The following CATSPERB variants were observed in gnomAD, a reference collection of about 807,000 sequenced individuals.
The protein encoded by CATSPERB is cation channel sperm-associated auxiliary subunit beta.
CATSPERB carries 93 observed loss-of-function variants against 128.3 expected under a neutral mutation model. The ratio of observed to expected loss-of-function variants is 0.72; its 90% confidence interval spans 0.61 to 0.86. The LOEUF is 0.86. Among genes scored for constraint, CATSPERB ranks in the 40% least tolerant of loss-of-function variants. CATSPERB has a pLI of 0.00. For synonymous variants in CATSPERB, 381 were observed against 448.8 expected, an observed-to-expected ratio of 0.85 and a Z score of 1.91; for missense variants, 1,153 against 1,329.5, an observed-to-expected ratio of 0.87 and a Z score of 2.06.
rs1894131715 is a variant in CATSPERB at position 91,624,988 on chromosome 14, T to C, written c.1762A>G (p.Ile588Val). 6.3e-7 allele frequency: 1 copy of C among 1,583,120 alleles called. No individual in the cohort carries two copies. The highest frequency in any genetic ancestry group is 8.5e-7 in the Non-Finnish European group (1 of 1,170,596). The stretch of plus-strand genomic sequence containing the variant: ...GTCGTATGTTGCAATACCTTTCTTA[T>C]GTAAGCTCTTCCAGTTTTCCTAAAA... Reference protein sequence around the residue: ...IHSGKTGRAYIRKVLQHTTPK... With the variant: ...IHSGKTGRAYVRKVLQHTTPK... Residue 588 changes from isoleucine to valine, a missense_variant, in exon 18 of 27, where the codon ATA (isoleucine) becomes GTA (valine). Ile to Val is a conservative substitution (Grantham distance 29). Transcript: ENST00000256343.
chr14:91,649,362 T>TGTGTGTGTGTGTAG (rs10684529), intron 15 of CATSPERB, among the ~76,000 whole-genome samples: 14 of 149,812 alleles, frequency 9.3e-5, no homozygotes, highest in African/African-American at 3.4e-4. Flanking sequence ...TGTGTGTGTG[T>TGTGTGTGTGTGTAG]AGAGATTGTT....
chr14:91,661,708 G>C (rs1019906793), intron 14 of CATSPERB, among the ~76,000 whole-genome samples: 1 of 151,756 alleles, frequency 6.6e-6, no homozygotes, highest in African/African-American at 2.4e-5. Context: ...AATTTTTGTA[G>C]AGATGGGTTT....
intron 13 of CATSPERB, among the ~76,000 whole-genome samples, chr14:91,672,310 G>A (rs1895111348): frequency 6.6e-6 from 1 of 152,264 alleles, no homozygotes; most frequent in Admixed American, 6.5e-5. Flanking sequence ...TTCTCAGACT[G>A]GATTTTGCTC....
chr14:91,638,002 C>G (rs887720881), intron 16 of CATSPERB, among the ~76,000 whole-genome samples: 78 of 152,214 alleles, frequency 5.1e-4, no homozygotes, highest in African/African-American at 1.7e-3. Flanking sequence ...CTTAACTCTC[C>G]CAAGGAAGTT....
intron 22 of CATSPERB, among the ~76,000 whole-genome samples, chr14:91,598,570 T>C (rs1222150677): frequency 6.6e-6 from 1 of 152,076 alleles, no homozygotes; most frequent in African/African-American, 2.4e-5. Flanking sequence ...TCAGAAAAGA[T>C]TTGACTGGCC....
At chr14:91,663,941 A>G (rs1484288593) in intron 14 of CATSPERB, among the ~76,000 whole-genome samples, 1 of 152,148 alleles carries the variant, frequency 6.6e-6, no homozygotes, top group Non-Finnish European at 1.5e-5. Context: ...ACCTACACTG[A>G]TACATCATTA....
At chr14:91,684,312 C>G (rs1595178034) in intron 10 of CATSPERB, among the ~76,000 whole-genome samples, 1 of 152,302 alleles carries the variant, frequency 6.6e-6, no homozygotes, top group East Asian at 1.9e-4. Context: ...GTTTAAGGAG[C>G]ATTCCCAGAA....
chr14:91,605,834 A>C (rs1893691103), intron 22 of CATSPERB, among the ~76,000 whole-genome samples: 1 of 151,680 alleles, frequency 6.6e-6, no homozygotes. Flanking sequence ...ACTCACTCAT[A>C]CTCTGTTTTG....
chr14:91,691,379 A>T, intron 10 of CATSPERB, 144 bp downstream of exon 10: 1 of 373,276 alleles, frequency 2.7e-6, no homozygotes. Context: ...TCATATATAT[A>T]AAAAAATATA....
At chr14:91,682,226 T>C (rs1895294529) in intron 11 of CATSPERB, among the ~76,000 whole-genome samples, 1 of 152,174 alleles carries the variant, frequency 6.6e-6, no homozygotes, top group South Asian at 2.1e-4. Context: ...CATCTCATCA[T>C]AAGCCTCATG....
chr14:91,666,728 G>A (rs1240362521), intron 14 of CATSPERB, among the ~76,000 whole-genome samples: 1 of 152,180 alleles, frequency 6.6e-6, no homozygotes, highest in African/African-American at 2.4e-5. Context: ...AGGTGCCAAA[G>A]GAAGTTTATG....
At chr14:91,630,663 C>A (rs1322356932) in intron 17 of CATSPERB, among the ~76,000 whole-genome samples, 1 of 152,200 alleles carries the variant, frequency 6.6e-6, no homozygotes, top group Non-Finnish European at 1.5e-5. Context: ...TGCTCCAGCA[C>A]CATAATCTGT....
chr14:91,711,571 A>G lies in CATSPERB; in HGVS notation c.371-3335T>C, dbSNP rs117967001. Among the ~76,000 whole-genome samples, 1,413 of 152,332 alleles carry G rather than the reference A, an allele frequency of 9.3e-3. 14 individuals carry two copies. Among genetic ancestry groups the G allele is most frequent in the South Asian group, 0.025 (120 of 4,826 alleles). ...TTGTGCACTTCCATTCTGCTGATGAAAGTGTTCCAAAAGTTGTTTTGAATA... is the reference window on the plus strand; with the variant it reads ...TTGTGCACTTCCATTCTGCTGATGAGAGTGTTCCAAAAGTTGTTTTGAATA... On this transcript the variant is annotated intron_variant, in intron 5 of 26. Transcript: ENST00000256343.
At chr14:91,587,326 C>T (rs1893320941) in intron 25 of CATSPERB, 50 bp from the exon 26 acceptor site, 4 of 1,357,860 alleles carry the variant, frequency 2.9e-6, no homozygotes, top group Non-Finnish European at 4.1e-6. Context: ...ATGTACATTC[C>T]TTTAAGTATT....
rs551275604 is a variant in CATSPERB, at chr14:91,678,118, G to T, written c.932-3896C>A. Among the ~76,000 whole-genome samples the T allele has an allele frequency of 3.0e-4, 46 of 152,246 alleles. 1 individual carries two copies. Among genetic ancestry groups the T allele is most frequent in the Admixed American group, 2.4e-3 (37 of 15,280 alleles). ...GGGGGAGAGAGCATTAGGACAAATA[G>T]CTAATGCATGTGGGGCTTAAAACCT... On this transcript the variant is annotated intron_variant, in intron 11 of 26. Coordinates refer to ENST00000256343, the MANE Select transcript of CATSPERB (RefSeq NM_024764.4).
rs759042984 is a variant in CATSPERB, at chr14:91,693,243, T to C, written c.714A>G (p.Glu238=). 17 of 1,606,078 alleles carry C rather than the reference T, an allele frequency of 1.1e-5. No homozygotes were observed. In the South Asian group the frequency reaches 1.5e-4, roughly 15 times the overall value. ...TATCCACCAATGAAAGGTCTTCATA[T>C]TCTAAACGAAGAAATCATACCATGG... The part of the protein sequence containing the change: ...TQTIYSQLQE[E]YEDLSLVDMV... Residue 238 remains glutamate, a splice_region_variant and synonymous_variant, in exon 9 of 27, where the codon GAA becomes GAG. Coordinates refer to ENST00000256343, the MANE Select transcript of CATSPERB (RefSeq NM_024764.4).
At chr14:91,696,411 G>A (rs1057325681) in intron 7 of CATSPERB, among the ~76,000 whole-genome samples, 2 of 152,232 alleles carry the variant, frequency 1.3e-5, no homozygotes, top group Admixed American at 1.3e-4. Flanking sequence ...GGAAAGGAAA[G>A]TAGAATGGGC....
chr14:91,719,454 C>T lies in CATSPERB; in HGVS notation c.334G>A (p.Val112Ile). ...GTGATGTTTTCTCTAGGAATATCAACCAACCACAAAATCCGATCACTGAAC... is the reference window on the plus strand; with the variant it reads ...GTGATGTTTTCTCTAGGAATATCAATCAACCACAAAATCCGATCACTGAAC... ...TLFSDRILWL[V>I]DIPRENITQS... The change falls in exon 5 of 27, where the codon GTT (valine) becomes ATT (isoleucine). Residue 112 changes from valine (V) to isoleucine (I), a missense_variant. By Grantham distance (29) the Val-to-Ile change is conservative. Coordinates refer to ENST00000256343, the MANE Select transcript of CATSPERB (RefSeq NM_024764.4). 1 of 1,611,468 alleles carries T rather than the reference C, an allele frequency of 6.2e-7. No homozygotes were observed. The highest frequency in any genetic ancestry group is 8.5e-7 in the Non-Finnish European group (1 of 1,178,722).
intron 22 of CATSPERB, among the ~76,000 whole-genome samples, chr14:91,600,583 A>G (rs984666889): frequency 1.3e-5 from 2 of 152,278 alleles, no homozygotes; most frequent in African/African-American, 4.8e-5. Context: ...AGCAATTTTA[A>G]AGACACTTCA....
Sources: gnomAD v4.1 joint callset for allele counts (sites outside exome capture counted in the v4.1 genomes callset) on GRCh38, gnomAD v4.1.1 for gene constraint, MANE v1.5 for transcripts, NCBI Gene and HGNC (gene_info 2026-07-23, HGNC 2026-07-21) for gene names.